The following RXFP1 variants were observed in gnomAD, a reference collection of about 807,000 sequenced individuals.
RXFP1 encodes the protein relaxin receptor 1.
RXFP1 carries 73 observed loss-of-function variants against 89.8 expected under a neutral mutation model. The observed-to-expected ratio is 0.81, with a 90% confidence interval of 0.67 to 0.99. The LOEUF (loss-of-function observed/expected upper bound fraction) is 0.99, where lower values mean the gene tolerates loss of function less well. Ranked by LOEUF, RXFP1 falls within the 50% of genes least tolerant of loss-of-function variation. The probability of loss-of-function intolerance (pLI) is 0.00; values close to 1 mark genes in which losing one functional copy is unlikely to be tolerated. For synonymous variants in RXFP1, 277 were observed against 305.5 expected (o/e 0.91, Z 0.97); for missense variants, 793 against 895.5 (o/e 0.89, Z 1.46).
chr4:158,540,108 A>G (rs1333405151), intron 1 of RXFP1, among the ~76,000 whole-genome samples: 1 of 152,128 alleles, frequency 6.6e-6, no homozygotes, highest in East Asian at 1.9e-4. Flanking sequence ...AGACCCCAAT[A>G]TAGGGTTCTT....
chr4:158,616,988 C>CA (rs11321888), intron 8 of RXFP1, 143 bp from the exon 9 acceptor site: 37,679 of 438,728 alleles, frequency 0.086, 350 homozygotes, highest in African/African-American at 0.15. Flanking sequence ...GCCTCCATCT[C>CA]AAAAAAAAAA....
chr4:158,597,276 T>C (rs1760810907), intron 3 of RXFP1, among the ~76,000 whole-genome samples: 2 of 152,092 alleles, frequency 1.3e-5, no homozygotes, highest in African/African-American at 4.8e-5. Flanking sequence ...ATTAAAGTCA[T>C]CTCTCAAGGG....
In RXFP1 at chr4:158,549,619, A is replaced by AT. The variant is rs1312333924; in HGVS notation, c.50-23079_50-23078insT. ...GGTCTTTGATGATGGTGATGTACAGAGGGTTTTTGGTGTGGATGTCCTTTC... is the reference window on the plus strand; with the variant it reads ...GGTCTTTGATGATGGTGATGTACAGATGGGTTTTTGGTGTGGATGTCCTTTC... On this transcript the variant is annotated intron_variant, in intron 1 of 17. Transcript: ENST00000307765. Among the ~76,000 whole-genome samples the AT allele has an allele frequency of 3.3e-5, 5 of 152,180 alleles. No homozygotes were observed. In the East Asian group the frequency reaches 5.8e-4, roughly 18 times the overall value.
At chr4:158,615,478 G>C (rs529293289) in intron 8 of RXFP1, among the ~76,000 whole-genome samples, 1 of 152,138 alleles carries the variant, frequency 6.6e-6, no homozygotes, top group African/African-American at 2.4e-5. Context: ...GGAGGTTGCA[G>C]TGAGCCGAGA....
At chr4:158,562,473 G>A (rs1049507601) in intron 1 of RXFP1, among the ~76,000 whole-genome samples, 8 of 111,532 alleles carry the variant, frequency 7.2e-5, no homozygotes, top group African/African-American at 1.3e-4. Flanking sequence ...GCAGTGAGCC[G>A]AGATCCCGCC....
intron 2 of RXFP1, among the ~76,000 whole-genome samples, chr4:158,574,891 T>TAA (rs144526156): frequency 6.6e-5 from 10 of 152,006 alleles, no homozygotes; most frequent in African/African-American, 2.2e-4. Context: ...TTCATTTATT[T>TAA]AAAAAAAACA....
chr4:158,522,086 CA>C (rs1741312466), intron 1 of RXFP1, 61 bp downstream of exon 1: 1 of 917,008 alleles, frequency 1.1e-6, no homozygotes, highest in Non-Finnish European at 1.7e-6. Flanking sequence ...ACCACAAGCA[CA>C]AATGTTTACT....
At chr4:158,522,194 TA>T (rs1405066061) in intron 1 of RXFP1, among the ~76,000 whole-genome samples, 169 bp downstream of exon 1, 2 of 152,328 alleles carry the variant, frequency 1.3e-5, no homozygotes, top group East Asian at 3.9e-4. Flanking sequence ...GTATTTGTAT[TA>T]AAGACCATAA....
chr4:158,532,711 G>A (rs778623723), intron 1 of RXFP1, among the ~76,000 whole-genome samples: 9 of 152,058 alleles, frequency 5.9e-5, no homozygotes, highest in Admixed American at 3.3e-4. Context: ...CACCACCACC[G>A]TCTGCTCATA....
chr4:158,604,356 T>G (rs746998656), intron 4 of RXFP1, among the ~76,000 whole-genome samples: 3 of 152,188 alleles, frequency 2.0e-5, no homozygotes, highest in Non-Finnish European at 4.4e-5. Context: ...AGAGGTTGTG[T>G]GTGATTCATG....
At chr4:158,592,800 CA>C (rs1250986878) in intron 2 of RXFP1, among the ~76,000 whole-genome samples, 2 of 151,774 alleles carry the variant, frequency 1.3e-5, no homozygotes, top group Admixed American at 1.3e-4. Context: ...TTGTTAAAAA[CA>C]GAGAATAGTC....
At chr4:158,627,816 C>A (rs1042546531) in intron 10 of RXFP1, among the ~76,000 whole-genome samples, 3 of 152,006 alleles carry the variant, frequency 2.0e-5, no homozygotes, top group Non-Finnish European at 4.4e-5. Flanking sequence ...CCAAAGGAAA[C>A]CAAATTGCAC....
rs78437984 is a variant in RXFP1 at position 158,591,853 on chromosome 4, T to C, written c.188-1548T>C. On this transcript the variant is annotated intron_variant, in intron 2 of 17. Transcript: ENST00000307765. ...TTTATAACTTCACTCTCTGTTCATA[T>C]GTTTGGGCATCCTTAGGGAGTCCTG... 8.8e-3 allele frequency among the ~76,000 whole-genome samples: 1,337 copies of C among 152,332 alleles called. 15 individuals carry two copies. Among genetic ancestry groups the C allele is most frequent in the African/African-American group, 0.03 (1,228 of 41,580 alleles).
At chr4:158,550,116 A>T (rs1749709616) in intron 1 of RXFP1, among the ~76,000 whole-genome samples, 1 of 152,190 alleles carries the variant, frequency 6.6e-6, no homozygotes, top group Admixed American at 6.5e-5. Context: ...CAAGCTTCCC[A>T]GCTGCTTTGT....
At chr4:158,538,444 C>A (rs1291766231) in intron 1 of RXFP1, among the ~76,000 whole-genome samples, 1 of 152,108 alleles carries the variant, frequency 6.6e-6, no homozygotes, top group African/African-American at 2.4e-5. Context: ...GAAAAGAATT[C>A]TTTATTCCTA....
intron 5 of RXFP1, among the ~76,000 whole-genome samples, chr4:158,606,567 A>G (rs1345517503): frequency 6.6e-6 from 1 of 152,134 alleles, no homozygotes; most frequent in Non-Finnish European, 1.5e-5. Flanking sequence ...GGCCCACAGC[A>G]TGTCCGGTTC....
intron 1 of RXFP1, among the ~76,000 whole-genome samples, chr4:158,555,762 A>T (rs1005135505): frequency 6.6e-6 from 1 of 152,240 alleles, no homozygotes; most frequent in Non-Finnish European, 1.5e-5. Flanking sequence ...GAAGGAAAAG[A>T]AGATTTAAAT....
At chr4:158,548,482 G>A (rs1343707777) in intron 1 of RXFP1, among the ~76,000 whole-genome samples, 1 of 152,076 alleles carries the variant, frequency 6.6e-6, no homozygotes, top group Non-Finnish European at 1.5e-5. Flanking sequence ...TGTGTGTTTG[G>A]TCCTGTCATT....
intron 1 of RXFP1, among the ~76,000 whole-genome samples, chr4:158,551,857 C>T (rs1350170072): frequency 6.6e-6 from 1 of 152,066 alleles, no homozygotes; most frequent in Non-Finnish European, 1.5e-5. Context: ...AGGAGGATTG[C>T]TTGAGCCCAG....
Sources: gnomAD v4.1 joint callset for allele counts (sites outside exome capture counted in the v4.1 genomes callset) on GRCh38, gnomAD v4.1.1 for gene constraint, MANE v1.5 for transcripts, NCBI Gene and HGNC (gene_info 2026-07-23, HGNC 2026-07-21) for gene names.